Variants in GALNT13 observed in about 807,000 individuals in gnomAD.
GALNT13 encodes polypeptide N-acetylgalactosaminyltransferase 13.
A neutral mutation model predicts 64.2 loss-of-function variants in GALNT13; 28 were observed. The ratio of observed to expected loss-of-function variants is 0.44; its 90% CI spans 0.32 to 0.60. The LOEUF (loss-of-function observed/expected upper bound fraction) is 0.60. Among genes scored for constraint, GALNT13 ranks in the 20% least tolerant of loss-of-function variants. The pLI is 0.05. For missense variants in GALNT13, 577 were observed against 669.8 expected (o/e 0.86, Z 1.53); for synonymous variants, 214 against 224.6 (o/e 0.95, Z 0.42).
intron 9 of GALNT13, among the ~76,000 whole-genome samples, chr2:154,354,651 G>A (rs1352413924): frequency 6.7e-6 from 1 of 149,886 alleles, no homozygotes; most frequent in Non-Finnish European, 1.5e-5. Flanking sequence ...ACTCACTTCT[G>A]CAAGCACCGT....
chr2:153,753,326 T>C, the GALNT13 span, among the ~76,000 whole-genome samples: 2 of 152,188 alleles, frequency 1.3e-5, no homozygotes, highest in East Asian at 3.9e-4. Flanking sequence ...TGGCTGGGCA[T>C]TGAAGAGTTA....
the GALNT13 span, among the ~76,000 whole-genome samples, chr2:153,665,243 A>T: frequency 1.3e-5 from 2 of 152,220 alleles, no homozygotes; most frequent in African/African-American, 4.8e-5. Flanking sequence ...TCAAGAAACA[A>T]TAACAACCCA....
At chr2:153,248,915 C>T in the GALNT13 span, among the ~76,000 whole-genome samples, 12,502 of 149,712 alleles carry the variant, frequency 0.084, 601 homozygotes, top group South Asian at 0.12. Flanking sequence ...AAACCCAGAA[C>T]AAATATCATA....
intron 9 of GALNT13, among the ~76,000 whole-genome samples, chr2:154,379,104 C>T (rs1018770235): frequency 6.6e-6 from 1 of 151,682 alleles, no homozygotes; most frequent in African/African-American, 2.4e-5. Context: ...TGATGCTAGC[C>T]CTTTTAAAGC....
At chr2:153,609,043 A>G in the GALNT13 span, among the ~76,000 whole-genome samples, 1 of 151,462 alleles carries the variant, frequency 6.6e-6, no homozygotes, top group Non-Finnish European at 1.5e-5. Flanking sequence ...CAGCCTCCAG[A>G]GTAGCTGAGA....
chr2:154,131,270 G>A (rs1250899681), intron 3 of GALNT13, among the ~76,000 whole-genome samples: 1 of 152,110 alleles, frequency 6.6e-6, no homozygotes. Flanking sequence ...TGAGCTTAAT[G>A]TGTATTAGTA....
chr2:153,125,193 C>T, the GALNT13 span, among the ~76,000 whole-genome samples: 2 of 152,078 alleles, frequency 1.3e-5, no homozygotes, highest in South Asian at 2.1e-4. Flanking sequence ...AACCTTATGC[C>T]CAAGGTCAGG....
the GALNT13 span, among the ~76,000 whole-genome samples, chr2:153,646,738 T>A: frequency 1.3e-5 from 2 of 152,168 alleles, no homozygotes; most frequent in Non-Finnish European, 2.9e-5. Context: ...CTTGCGATAG[T>A]TTGCTGAGAA....
At chr2:153,148,208 C>G in the GALNT13 span, among the ~76,000 whole-genome samples, 4 of 151,824 alleles carry the variant, frequency 2.6e-5, no homozygotes, top group African/African-American at 9.7e-5. Flanking sequence ...TTAAATTACT[C>G]CTTTGTGGGT....
At chr2:153,835,056 A>T in the GALNT13 span, among the ~76,000 whole-genome samples, 12 of 151,952 alleles carry the variant, frequency 7.9e-5, no homozygotes, top group Non-Finnish European at 1.8e-4. Flanking sequence ...TGTGAAAAAG[A>T]AGAGAAGACA....
At chr2:153,901,253 G>A (rs1318795259) in intron 2 of GALNT13, among the ~76,000 whole-genome samples, 1 of 152,072 alleles carries the variant, frequency 6.6e-6, no homozygotes, top group Admixed American at 6.6e-5. Context: ...TTTGAAGTCG[G>A]GTAATGTGAT....
At chr2:154,065,506 G>T (rs1299097249) in intron 3 of GALNT13, among the ~76,000 whole-genome samples, 1 of 152,148 alleles carries the variant, frequency 6.6e-6, no homozygotes, top group Non-Finnish European at 1.5e-5. Context: ...GCTCCAGGCA[G>T]CTTAGCACAG....
chr2:154,300,398 T>C (rs992629364), intron 8 of GALNT13, among the ~76,000 whole-genome samples: 10 of 152,202 alleles, frequency 6.6e-5, no homozygotes, highest in Middle Eastern at 3.4e-3. Flanking sequence ...CCACCGCACC[T>C]GGCCAGAAAT....
chr2:153,796,059 A>G, the GALNT13 span, among the ~76,000 whole-genome samples: 1 of 152,218 alleles, frequency 6.6e-6, no homozygotes, highest in Non-Finnish European at 1.5e-5. Context: ...CAGGTCAGAG[A>G]GTTAAAGCGT....
At chr2:154,114,296 A>T (rs1369602521) in intron 3 of GALNT13, among the ~76,000 whole-genome samples, 1 of 152,146 alleles carries the variant, frequency 6.6e-6, no homozygotes, top group Non-Finnish European at 1.5e-5. Context: ...TGTCCATGCC[A>T]ATTATGCATT....
chr2:154,350,837 C>T (rs908129885), intron 9 of GALNT13, among the ~76,000 whole-genome samples: 13 of 152,132 alleles, frequency 8.5e-5, no homozygotes, highest in African/African-American at 3.1e-4. Flanking sequence ...CAGGCAAAAA[C>T]TTAAGAGAAC....
chr2:154,046,362 A>T (rs780685302), intron 3 of GALNT13, among the ~76,000 whole-genome samples: 10 of 152,110 alleles, frequency 6.6e-5, no homozygotes, highest in South Asian at 4.1e-4. Context: ...CCATTTGTAG[A>T]TACAAACACA....
At chr2:154,278,744 A>G (rs1381105264) in intron 8 of GALNT13, among the ~76,000 whole-genome samples, 2 of 152,166 alleles carry the variant, frequency 1.3e-5, no homozygotes, top group Non-Finnish European at 2.9e-5. Flanking sequence ...GCAGTTTCAG[A>G]TGATGGATTC....
At chr2:153,833,727 G>A in the GALNT13 span, among the ~76,000 whole-genome samples, 2 of 152,082 alleles carry the variant, frequency 1.3e-5, no homozygotes, top group African/African-American at 4.8e-5. Context: ...TACGAAACAA[G>A]CAGCAGGCCA....
Sources: allele counts gnomAD v4.1 joint callset (sites outside exome capture counted in the v4.1 genomes callset), GRCh38; gene constraint gnomAD v4.1.1; transcripts MANE v1.5; gene names NCBI Gene and HGNC (gene_info 2026-07-23, HGNC 2026-07-21).